Variants in CUL1 observed in about 807,000 individuals in gnomAD.
The protein encoded by CUL1 is cullin 1.
CUL1 carries 24 observed loss-of-function variants against 118.0 expected under a neutral mutation model. That is an observed-to-expected ratio of 0.20 (90% CI 0.15 to 0.29). The LOEUF is 0.29. Among genes scored for constraint, CUL1 ranks in the 10% least tolerant of loss-of-function variants. CUL1 has a pLI of 1.00. For missense variants in CUL1, 361 were observed against 933.8 expected (o/e 0.39, Z 7.99); for synonymous variants, 332 against 340.4 (o/e 0.98, Z 0.27).
intron 19 of CUL1, 149 bp from the exon 20 acceptor site, chr7:148,798,423 G>A: frequency 4.7e-6 from 3 of 632,374 alleles, no homozygotes; most frequent in Non-Finnish European, 8.4e-6. Flanking sequence ...GCTGGGTAGA[G>A]GACATTTTCA....
chr7:148,764,808 C>A (rs2129460673), intron 7 of CUL1, among the ~76,000 whole-genome samples: 1 of 152,198 alleles, frequency 6.6e-6, no homozygotes, highest in African/African-American at 2.4e-5. Flanking sequence ...TTGGAAAATA[C>A]AAATAACATA....
intron 9 of CUL1, among the ~76,000 whole-genome samples, chr7:148,772,949 T>C (rs564191296): frequency 4.7e-4 from 72 of 152,132 alleles, no homozygotes; most frequent in African/African-American, 1.7e-3. Context: ...GAATTCCTCC[T>C]CCCTTGGCTC....
chr7:148,719,450 A>G (rs757700975), intron 1 of CUL1, among the ~76,000 whole-genome samples: 1 of 152,260 alleles, frequency 6.6e-6, no homozygotes, highest in Non-Finnish European at 1.5e-5. Flanking sequence ...GGGATAGCAT[A>G]AATCTTATAA....
At chr7:148,740,220 T>A (rs1799099228) in intron 2 of CUL1, among the ~76,000 whole-genome samples, 1 of 152,002 alleles carries the variant, frequency 6.6e-6, no homozygotes, top group African/African-American at 2.4e-5. Flanking sequence ...GCCTAGCTAA[T>A]TTTTTTGTAT....
At chr7:148,754,499 G>A (rs978139867) in intron 3 of CUL1, among the ~76,000 whole-genome samples, 6 of 152,100 alleles carry the variant, frequency 3.9e-5, no homozygotes, top group African/African-American at 1.4e-4. Context: ...AAATTAGAAA[G>A]CTTTGATAAC....
chr7:148,775,133 C>T (rs746643749), intron 9 of CUL1, among the ~76,000 whole-genome samples: 9 of 152,188 alleles, frequency 5.9e-5, no homozygotes, highest in African/African-American at 9.7e-5. Flanking sequence ...AATGTACTAC[C>T]AGCTACTTCT....
At chr7:148,716,606 G>C (rs1216361682) in intron 1 of CUL1, among the ~76,000 whole-genome samples, 4 of 152,222 alleles carry the variant, frequency 2.6e-5, no homozygotes, top group Admixed American at 6.5e-5. Context: ...TTAGTGTTCA[G>C]TTTAGCCTCC....
In CUL1 at chr7:148,737,850, G is replaced by A. The variant is rs561888793; in HGVS notation, c.140+7588G>A. 8.6e-5 allele frequency among the ~76,000 whole-genome samples: 13 copies of A among 151,906 alleles called. No homozygotes were observed. The South Asian group carries it at 1.5e-3, about 17-fold the overall frequency. Reference sequence around the variant, plus strand: ...TGACCTCAAGCAATCTGTTCACCTCGGCCTCCCAAAGTGCTGGGATTACAG... The same window carrying A: ...TGACCTCAAGCAATCTGTTCACCTCAGCCTCCCAAAGTGCTGGGATTACAG... On this transcript the variant is annotated intron_variant, in intron 2 of 21. Transcript: ENST00000325222.
chr7:148,786,584 C>T lies in CUL1; in HGVS notation c.1332C>T (p.Asp444=). 1.2e-6 allele frequency: 2 copies of T among 1,613,738 alleles called. No individual in the cohort carries two copies. The highest frequency in any genetic ancestry group is 1.7e-6 in the Non-Finnish European group (2 of 1,179,792). The change falls in exon 12 of 22, where the codon GAC becomes GAT. Residue 444 remains aspartate, a synonymous_variant. Coordinates refer to ENST00000325222, the MANE Select transcript of CUL1 (RefSeq NM_003592.3). ...SKNPEEAELE[D]TLNQVMVVFK... ...ACCCAGAGGAGGCAGAACTAGAAGA[C>T]ACACTCAATCAAGTGGTAAGTGCTT...
At chr7:148,760,520 A>C in intron 7 of CUL1, 24 bp downstream of exon 7, 1 of 1,539,540 alleles carries the variant, frequency 6.5e-7, no homozygotes. Context: ...TAGTACTTTA[A>C]GTAGACTTAA....
chr7:148,767,816 T>TA (rs1358915831), intron 9 of CUL1, 67 bp downstream of exon 9: 5 of 1,469,036 alleles, frequency 3.4e-6, no homozygotes, highest in Non-Finnish European at 4.7e-6. Context: ...AAGCATATGT[T>TA]ATGCGTCTCT....
chr7:148,740,407 G>A (rs1799105232), intron 2 of CUL1, among the ~76,000 whole-genome samples: 1 of 152,096 alleles, frequency 6.6e-6, no homozygotes, highest in South Asian at 2.1e-4. Context: ...CATTTAAAGT[G>A]TACGTTTCAA....
chr7:148,718,905 T>C (rs1798306506), intron 1 of CUL1, among the ~76,000 whole-genome samples: 1 of 152,230 alleles, frequency 6.6e-6, no homozygotes, highest in Admixed American at 6.5e-5. Flanking sequence ...AATTCGTTAT[T>C]TGAGAAGCAG....
At chr7:148,724,024 G>A (rs888304528) in intron 1 of CUL1, among the ~76,000 whole-genome samples, 3 of 152,198 alleles carry the variant, frequency 2.0e-5, no homozygotes, top group African/African-American at 7.2e-5. Context: ...GTCATCCCTT[G>A]ATGTTCAGTT....
intron 2 of CUL1, among the ~76,000 whole-genome samples, chr7:148,735,234 G>T (rs1376326285): frequency 6.6e-6 from 1 of 152,244 alleles, no homozygotes; most frequent in Non-Finnish European, 1.5e-5. Flanking sequence ...ATTGCTGGGG[G>T]TCGGGGCACT....
chr7:148,762,752 C>G (rs771593349), intron 7 of CUL1, among the ~76,000 whole-genome samples: 1 of 152,250 alleles, frequency 6.6e-6, no homozygotes, highest in Non-Finnish European at 1.5e-5. Context: ...TGGTCATCTC[C>G]TTTGTCCACA....
intron 17 of CUL1, among the ~76,000 whole-genome samples, chr7:148,796,098 T>G (rs1337643560): frequency 6.6e-6 from 1 of 152,236 alleles, no homozygotes; most frequent in East Asian, 1.9e-4. Context: ...AACTGTGATG[T>G]TAAAGAGTGA....
chr7:148,792,464 T>C (rs549112984), intron 16 of CUL1, among the ~76,000 whole-genome samples: 20 of 152,232 alleles, frequency 1.3e-4, no homozygotes, highest in Non-Finnish European at 2.5e-4. Flanking sequence ...TGTATCCACA[T>C]AGACAATACG....
At chr7:148,737,287 C>A (rs1032680242) in intron 2 of CUL1, among the ~76,000 whole-genome samples, 1 of 151,616 alleles carries the variant, frequency 6.6e-6, no homozygotes, top group Non-Finnish European at 1.5e-5. Context: ...ACTCAGAGTA[C>A]TTTGAACATT....
Sources: gnomAD v4.1 joint callset for allele counts (sites outside exome capture counted in the v4.1 genomes callset) on GRCh38, gnomAD v4.1.1 for gene constraint, MANE v1.5 for transcripts, NCBI Gene and HGNC (gene_info 2026-07-23, HGNC 2026-07-21) for gene names.